The following KCNU1 variants were observed in gnomAD, a reference collection of about 807,000 sequenced individuals.
KCNU1 encodes potassium channel subfamily U member 1.
KCNU1 carries 93 observed loss-of-function variants against 126.8 expected under a neutral mutation model. The observed-to-expected ratio is 0.73, with a 90% CI of 0.62 to 0.87. KCNU1 has a LOEUF of 0.87. KCNU1 is among the 40% of genes least tolerant of loss of function. The pLI, the probability that KCNU1 is intolerant of heterozygous loss-of-function variation, is 0.00. For missense variants in KCNU1, 1,330 were observed against 1,367.1 expected (o/e 0.97, Z 0.43); for synonymous variants, 523 against 494.2 (o/e 1.06, Z -0.77).
chr8:36,905,013 A>G (rs1351426529), intron 19 of KCNU1, among the ~76,000 whole-genome samples: 1 of 152,128 alleles, frequency 6.6e-6, no homozygotes, highest in East Asian at 1.9e-4. Flanking sequence ...TTCTCTCACA[A>G]GCAAATATGC....
At chr8:36,914,812 T>C (rs1340552780) in intron 22 of KCNU1, among the ~76,000 whole-genome samples, 1 of 152,232 alleles carries the variant, frequency 6.6e-6, no homozygotes, top group Non-Finnish European at 1.5e-5. Flanking sequence ...GCCTGACAAC[T>C]TAATATGCTA....
chr8:36,915,001 G>C (rs770352231), intron 22 of KCNU1, among the ~76,000 whole-genome samples: 2 of 152,186 alleles, frequency 1.3e-5, no homozygotes, highest in Non-Finnish European at 2.9e-5. Context: ...GCTCGAAAAG[G>C]AGATGGAGTT....
At chr8:36,842,483 A>G (rs1804992993) in intron 16 of KCNU1, among the ~76,000 whole-genome samples, 1 of 152,184 alleles carries the variant, frequency 6.6e-6, no homozygotes, top group Admixed American at 6.5e-5. Flanking sequence ...CTCACAATCA[A>G]AACCTCTGAA....
chr8:36,823,745 G>C (rs1188546106), intron 10 of KCNU1, among the ~76,000 whole-genome samples: 1 of 151,554 alleles, frequency 6.6e-6, no homozygotes, highest in Non-Finnish European at 1.5e-5. Context: ...TCTAAGAGTT[G>C]CAAATGGGTC....
chr8:36,893,144 G>T (rs866473530), intron 19 of KCNU1, among the ~76,000 whole-genome samples: 4 of 144,588 alleles, frequency 2.8e-5, no homozygotes, highest in Admixed American at 6.9e-5. Context: ...GTTTTTTTTT[G>T]TTTTTTTTTT....
At chr8:36,827,843 A>T (rs4739449) in intron 10 of KCNU1, among the ~76,000 whole-genome samples, 46,026 of 151,888 alleles carry the variant, frequency 0.3, 7,921 homozygotes, top group African/African-American at 0.44. Context: ...GTGGGAGTGA[A>T]AATAAAGGTG....
Position 36,805,997 on chromosome 8 carries a change from C to T in KCNU1, c.469-272C>T, listed in dbSNP as rs116137025. 4.9e-3 allele frequency among the ~76,000 whole-genome samples: 748 copies of T among 152,236 alleles called. 5 individuals are homozygous for T. Among genetic ancestry groups the T allele is most frequent in the African/African-American group, 0.017 (697 of 41,542 alleles). ...TAGCTGGGATTACAGGCAGCTGCAA[C>T]CACGTGCAGCTAATCTTTATATTTT... On this transcript the variant is annotated intron_variant, in intron 4 of 26. Coordinates refer to ENST00000399881, the MANE Select transcript of KCNU1 (RefSeq NM_001031836.3).
chr8:36,822,142 T>A (rs1439953730), intron 10 of KCNU1, among the ~76,000 whole-genome samples: 1 of 152,070 alleles, frequency 6.6e-6, no homozygotes, highest in Non-Finnish European at 1.5e-5. Context: ...AGTATGCCGG[T>A]TATGCCAGCC....
rs199841533 is a variant in KCNU1 at position 36,840,520 on chromosome 8, C to A, written c.1576C>A (p.Leu526Met). The A allele has an allele frequency of 1.7e-4, 275 of 1,613,100 alleles. 2 individuals carry two copies. In the African/African-American group the frequency reaches 3.4e-3, roughly 20 times the overall value. Residue 526 changes from leucine to methionine, a missense_variant, in exon 15 of 27, where the codon CTG (leucine) becomes ATG (methionine). Coordinates refer to ENST00000399881, the MANE Select transcript of KCNU1 (RefSeq NM_001031836.3). Reference protein sequence around the residue: ...HFLNSMKNKILTQRLSDDFAG... With the variant: ...HFLNSMKNKIMTQRLSDDFAG... ...CTTGAATAGCATGAAAAACAAAATT[C>A]TGACCCAACGTCTCTCTGATGACTT... is the stretch of plus-strand genomic sequence containing the variant.
intron 10 of KCNU1, among the ~76,000 whole-genome samples, chr8:36,823,211 C>T (rs148187211): frequency 1.7e-3 from 263 of 152,214 alleles, no homozygotes; most frequent in East Asian, 4.6e-3. Context: ...TAATGCCAAA[C>T]AGTACATGAC....
chr8:36,807,991 G>T (rs1404557251), intron 6 of KCNU1, among the ~76,000 whole-genome samples: 1 of 152,114 alleles, frequency 6.6e-6, no homozygotes, highest in African/African-American at 2.4e-5. Context: ...GTAAAATTTT[G>T]AGCAGTTTGG....
intron 1 of KCNU1, among the ~76,000 whole-genome samples, 163 bp from the exon 2 acceptor site, chr8:36,787,143 G>T (rs536556320): frequency 1.3e-5 from 2 of 152,156 alleles, no homozygotes; most frequent in African/African-American, 4.8e-5. Context: ...AGTAAAATCC[G>T]TTTTATGAAA....
intron 8 of KCNU1, among the ~76,000 whole-genome samples, 199 bp from the exon 9 acceptor site, chr8:36,815,397 A>G (rs1051518703): frequency 6.6e-6 from 1 of 152,228 alleles, no homozygotes; most frequent in African/African-American, 2.4e-5. Context: ...TTTTGAATAC[A>G]GAAAAGCCTT....
At chr8:36,929,407 A>AT (rs1491200111) in intron 24 of KCNU1, among the ~76,000 whole-genome samples, 2 of 136,154 alleles carry the variant, frequency 1.5e-5, no homozygotes, top group Non-Finnish European at 3.2e-5. Flanking sequence ...AAAAAAAAAA[A>AT]GAACAAAAAA....
rs1804643030 is a variant in KCNU1, at chr8:36,833,663, A to T, written c.1212+4A>T. On this transcript the variant is annotated splice_donor_region_variant and intron_variant, in intron 11 of 26. Coordinates refer to ENST00000399881, the MANE Select transcript of KCNU1 (RefSeq NM_001031836.3). ...GGAGGATCTGAGGCGAGTTGCGGTA[A>T]GATCTAGCTGTTTTTGTTCCTTGTA... 3.8e-6 allele frequency: 6 copies of T among 1,572,922 alleles called. No homozygotes were observed. The highest frequency in any genetic ancestry group is 5.2e-6 in the Non-Finnish European group (6 of 1,142,904).
rs749026223 is a variant in KCNU1, at chr8:36,802,108, CAAAAAA to C, written c.316-1900_316-1895del. On this transcript the variant is annotated intron_variant, in intron 2 of 26. Transcript: ENST00000399881. The stretch of plus-strand genomic sequence containing the variant: ...TGGGGAAAAGAGCGAAACTCCGTCT[CAAAAAA>C]AAAAAAAAAAAAAAAAAAGGAACTT... 6.3e-3 allele frequency among the ~76,000 whole-genome samples: 453 copies of C among 72,346 alleles called. 2 individuals carry two copies. Among genetic ancestry groups the C allele is most frequent in the African/African-American group, 0.022 (425 of 19,682 alleles). The allele number at this position is 72,346 out of a possible 152,430, so 47.5% of individuals were successfully genotyped here.
At chr8:36,868,377 G>GA (rs927825871) in intron 19 of KCNU1, among the ~76,000 whole-genome samples, 4 of 151,456 alleles carry the variant, frequency 2.6e-5, no homozygotes, top group African/African-American at 7.3e-5. Flanking sequence ...GGCATTTTTG[G>GA]AAAAAAAATG....
intron 19 of KCNU1, among the ~76,000 whole-genome samples, chr8:36,888,327 G>C (rs957670351): frequency 6.6e-6 from 1 of 152,084 alleles, no homozygotes; most frequent in Non-Finnish European, 1.5e-5. Flanking sequence ...AAAATGCCTT[G>C]ATTGGCTCAC....
At chr8:36,803,278 C>T (rs1803377106) in intron 2 of KCNU1, among the ~76,000 whole-genome samples, 2 of 152,172 alleles carry the variant, frequency 1.3e-5, no homozygotes. Flanking sequence ...TCCAGAGTTT[C>T]ATTATTAGAA....
Sources: allele counts gnomAD v4.1 joint callset (sites outside exome capture counted in the v4.1 genomes callset), GRCh38; gene constraint gnomAD v4.1.1; transcripts MANE v1.5; gene names NCBI Gene and HGNC (gene_info 2026-07-23, HGNC 2026-07-21).